CASZ1: variants seen among roughly 807,000 people sequenced by gnomAD.
CASZ1 encodes castor zinc finger 1.
In CASZ1, 28 loss-of-function variants were observed where a neutral mutation model predicts 135.2. The observed-to-expected ratio is 0.21, with a 90% CI of 0.15 to 0.28. The LOEUF (loss-of-function observed/expected upper bound fraction) is 0.28, where lower values mean the gene tolerates loss of function less well. CASZ1 is among the 10% of genes least tolerant of loss of function. The pLI is 1.00. For missense variants in CASZ1, 2,161 were observed against 2,453.3 expected (o/e 0.88, Z 2.52); for synonymous variants, 1,068 against 1,073.4 (o/e 0.99, Z 0.10).
At chr1:10,668,649 C>T (rs866050946) in intron 4 of CASZ1, among the ~76,000 whole-genome samples, 2 of 152,264 alleles carry the variant, frequency 1.3e-5, no homozygotes, top group Non-Finnish European at 2.9e-5. Flanking sequence ...CGGGCTCTGG[C>T]GCAGCACCAG....
At chr1:10,771,161 G>C (rs172228) in intron 1 of CASZ1, among the ~76,000 whole-genome samples, 47,479 of 151,910 alleles carry the variant, frequency 0.31, 11,703 homozygotes, top group African/African-American at 0.69. Context: ...ATAGCGCCAA[G>C]CTGGGGGTGC....
intron 4 of CASZ1, among the ~76,000 whole-genome samples, chr1:10,670,106 C>T (rs927407113): frequency 1.3e-5 from 2 of 152,170 alleles, no homozygotes; most frequent in African/African-American, 4.8e-5. Flanking sequence ...GGCTGGGGCC[C>T]TGCCTTCCCA....
chr1:10,787,742 G>A (rs1166251822), intron 1 of CASZ1, among the ~76,000 whole-genome samples: 5 of 151,860 alleles, frequency 3.3e-5, no homozygotes, highest in Non-Finnish European at 5.9e-5. Context: ...AATCTCATCA[G>A]CAAGGCACAC....
chr1:10,768,039 G>C (rs189534852), intron 1 of CASZ1, among the ~76,000 whole-genome samples: 1 of 152,344 alleles, frequency 6.6e-6, no homozygotes, highest in East Asian at 1.9e-4. Context: ...GGAGCTGGAA[G>C]ACCCTCACAA....
At position 10,727,329 on chromosome 1, in the gene CASZ1, A is replaced by G. The variant is rs1348725368; in HGVS notation, c.-76-21785T>C. On this transcript the variant is annotated intron_variant, in intron 2 of 20. Coordinates refer to ENST00000377022, the MANE Select transcript of CASZ1 (RefSeq NM_001079843.3). This position sits in a 1 kb window ranked among gnomAD's most constrained non-coding sequence, Gnocchi z 5.3. ...CAGGTCATCGGCCATCCAGCTCTTC[A>G]TTCACAACTCTCCATGTGTGCTATT... 6.6e-6 allele frequency among the ~76,000 whole-genome samples: 1 copy of G among 151,872 alleles called. No homozygotes were observed. Among genetic ancestry groups the G allele is most frequent in the Non-Finnish European group, 1.5e-5 (1 of 67,952 alleles).
chr1:10,768,984 T>C (rs1640527046), intron 1 of CASZ1, among the ~76,000 whole-genome samples: 1 of 152,004 alleles, frequency 6.6e-6, no homozygotes, highest in Non-Finnish European at 1.5e-5. Context: ...CTACTAAAAA[T>C]ACAAAAATTA....
rs1177145544 is a variant in CASZ1, at chr1:10,717,922, C to T, written c.-76-12378G>A. 2.6e-5 allele frequency among the ~76,000 whole-genome samples: 4 copies of T among 152,244 alleles called. No homozygotes were observed. Among genetic ancestry groups the T allele is most frequent in the Admixed American group, 6.5e-5 (1 of 15,288 alleles). On this transcript the variant is annotated intron_variant, in intron 2 of 20. Transcript: ENST00000377022. The surrounding 1 kb of genome is among the most constrained non-coding windows in gnomAD (Gnocchi z 4.6). ...GGCCTTTAAGGCTGTGCAGCCGCTG[C>T]GAGCACGCCTGGTCGCCTCAGCGAC... is the stretch of plus-strand genomic sequence containing the variant.
chr1:10,659,005 C>T (rs900192691), intron 6 of CASZ1, among the ~76,000 whole-genome samples: 1 of 152,160 alleles, frequency 6.6e-6, no homozygotes, highest in Non-Finnish European at 1.5e-5. Flanking sequence ...GCATGCAGCC[C>T]CCTGGGGTCC....
intron 4 of CASZ1, among the ~76,000 whole-genome samples, chr1:10,677,190 T>C (rs908432089): frequency 1.3e-5 from 2 of 152,054 alleles, no homozygotes; most frequent in Non-Finnish European, 2.9e-5. Flanking sequence ...CCAGCCGCTC[T>C]GCTCAGGCTG....
chr1:10,639,850 G>A lies in CASZ1; in HGVS notation c.4372C>T (p.His1458Tyr). ...CQFSLKVTHY[H>Y]CTRENCGYKF... ...TAGCCGCAGTTCTCGCGCGTGCAGTGGTAGTGGGTGACCTTGAGCGAGAAC... is the reference window on the plus strand; with the variant it reads ...TAGCCGCAGTTCTCGCGCGTGCAGTAGTAGTGGGTGACCTTGAGCGAGAAC... The change falls in exon 21 of 21, where the codon CAC (histidine) becomes TAC (tyrosine). Residue 1458 changes from histidine (H) to tyrosine (Y), a missense_variant. His to Tyr is a moderately conservative substitution (Grantham distance 83). Coordinates refer to ENST00000377022, the MANE Select transcript of CASZ1 (RefSeq NM_001079843.3). This position sits in a 1 kb window ranked among gnomAD's most constrained non-coding sequence, Gnocchi z 4.0. 6.2e-7 allele frequency: 1 copy of A among 1,612,020 alleles called. No homozygotes were observed. The highest frequency in any genetic ancestry group is 8.5e-7 in the Non-Finnish European group (1 of 1,179,584).
chr1:10,775,458 G>C (rs921272360), intron 1 of CASZ1, among the ~76,000 whole-genome samples: 5 of 152,246 alleles, frequency 3.3e-5, no homozygotes, highest in African/African-American at 7.2e-5. Context: ...GGCATGCGGG[G>C]GGATTGAGAA....
chr1:10,763,965 C>T (rs979310555), intron 1 of CASZ1, among the ~76,000 whole-genome samples: 4 of 152,196 alleles, frequency 2.6e-5, no homozygotes, highest in Admixed American at 6.5e-5. Context: ...CGAGTTCAAG[C>T]GATTCTCCTG....
At chr1:10,664,724 C>A (rs975004446) in intron 5 of CASZ1, among the ~76,000 whole-genome samples, 1 of 152,086 alleles carries the variant, frequency 6.6e-6, no homozygotes, top group Non-Finnish European at 1.5e-5. Flanking sequence ...TAAGCTCAGG[C>A]CTCACAGGTG....
At chr1:10,785,948 C>T (rs192421030) in intron 1 of CASZ1, among the ~76,000 whole-genome samples, 4 of 152,332 alleles carry the variant, frequency 2.6e-5, no homozygotes, top group Admixed American at 6.5e-5. Context: ...TTTACAGATG[C>T]GGAAACAAAG....
rs372073506 is a variant in CASZ1 at position 10,648,155 on chromosome 1, G to C, written c.3159-16C>G. The stretch of plus-strand genomic sequence containing the variant: ...GAAGTGGAAGCTGCGAGAGGTAGAA[G>C]AGGGGGTCTCATGGGGGGCAGTGAA... On this transcript the variant is annotated splice_polypyrimidine_tract_variant and intron_variant, in intron 15 of 20. Transcript: ENST00000377022. 2.3e-4 allele frequency: 338 copies of C among 1,487,798 alleles called. No individual in the cohort carries two copies. The highest frequency in any genetic ancestry group is 2.8e-4 in the Non-Finnish European group (310 of 1,115,216). 92.2% of individuals were successfully genotyped at this position (1,487,798 alleles called of 1,614,324 possible).
chr1:10,696,263 C>T (rs193204321), intron 3 of CASZ1, among the ~76,000 whole-genome samples: 199 of 152,330 alleles, frequency 1.3e-3, no homozygotes, highest in African/African-American at 4.6e-3. Context: ...CTGGCAGTCC[C>T]CACTCCTGGC....
In CASZ1 at chr1:10,707,119, C is replaced by T. The variant is rs934385003; in HGVS notation, c.-76-1575G>A. Among the ~76,000 whole-genome samples, 2 of 151,982 alleles carry T rather than the reference C, an allele frequency of 1.3e-5. No individual in the cohort carries two copies. The highest frequency in any genetic ancestry group is 1.5e-5 in the Non-Finnish European group (1 of 67,976). On this transcript the variant is annotated intron_variant, in intron 2 of 20. Coordinates refer to ENST00000377022, the MANE Select transcript of CASZ1 (RefSeq NM_001079843.3). This position sits in a 1 kb window ranked among gnomAD's most constrained non-coding sequence, Gnocchi z 5.0. Reference sequence around the variant, plus strand: ...GGGGTGTCATCTTCACTGTCCCGTCCGTCCCACACACTCCTGTCTGAGATC... The same window carrying T: ...GGGGTGTCATCTTCACTGTCCCGTCTGTCCCACACACTCCTGTCTGAGATC...
intron 4 of CASZ1, among the ~76,000 whole-genome samples, chr1:10,673,790 T>C (rs1417321746): frequency 1.3e-5 from 2 of 152,090 alleles, no homozygotes; most frequent in Non-Finnish European, 2.9e-5. Flanking sequence ...ACAGCTTCCA[T>C]GTGGACCCTC....
intron 1 of CASZ1, among the ~76,000 whole-genome samples, chr1:10,773,509 A>G (rs2100597726): frequency 6.6e-6 from 1 of 152,140 alleles, no homozygotes; most frequent in Non-Finnish European, 1.5e-5. Flanking sequence ...CGGGAAGGAA[A>G]TGGGCGAGCG....
Sources: allele counts gnomAD v4.1 joint callset (sites outside exome capture counted in the v4.1 genomes callset), GRCh38; gene constraint gnomAD v4.1.1; non-coding constraint Gnocchi (gnomAD v3.1); transcripts MANE v1.5; gene names NCBI Gene and HGNC (gene_info 2026-07-23, HGNC 2026-07-21).